Variants in LY75 observed in about 807,000 individuals in gnomAD.
LY75 encodes C-type lectin domain family 13 member B.
In LY75, 185 loss-of-function variants were observed where a neutral mutation model predicts 231.7. That is an observed-to-expected ratio of 0.80 (90% CI 0.71 to 0.90). The LOEUF is 0.90. LY75 is among the 40% of genes least tolerant of loss of function. LY75 has a pLI of 0.00. For missense variants in LY75, 1,947 were observed against 2,050.2 expected (o/e 0.95, Z 0.97); for synonymous variants, 668 against 689.0 (o/e 0.97, Z 0.48).
At position 159,878,311 on chromosome 2, in the gene LY75, T is replaced by C. The variant is rs771144711; in HGVS notation, c.1774+13A>G. ...TCACAGTATACTACTACTTCAAAGA[T>C]TAAGACACTCACCTGGCTCAAGAAA... On this transcript the variant is annotated intron_variant, in intron 11 of 34. Coordinates refer to ENST00000263636, the MANE Select transcript of LY75 (RefSeq NM_002349.4). 1 of 1,612,882 alleles carries C rather than the reference T, an allele frequency of 6.2e-7. No homozygotes were observed. The highest frequency in any genetic ancestry group is 2.2e-5 in the East Asian group (1 of 44,868).
Position 159,868,981 on chromosome 2 carries a change from G to A in LY75, c.2117+3470C>T, listed in dbSNP as rs553501093. ...ATACTATGCAGCCATAAAAAAGGAT[G>A]AGTTCATGTCCTTTGTAGGGACACG... On this transcript the variant is annotated intron_variant, in intron 13 of 34. Transcript: ENST00000263636. Among the ~76,000 whole-genome samples the A allele has an allele frequency of 3.9e-5, 6 of 152,226 alleles. No individual in the cohort carries two copies. The South Asian group carries it at 1.2e-3, about 32-fold the overall frequency.
chr2:159,842,183 CTCTCTA>C, intron 24 of LY75, 56 bp downstream of exon 24: 1 of 1,528,988 alleles, frequency 6.5e-7, no homozygotes, highest in South Asian at 1.2e-5. Context: ...GACTCTCTCT[CTCTCTA>C]TATATATATA....
At chr2:159,845,654 G>C (rs1231627997) in intron 23 of LY75, among the ~76,000 whole-genome samples, 2 of 151,634 alleles carry the variant, frequency 1.3e-5, no homozygotes, top group Non-Finnish European at 2.9e-5. Flanking sequence ...AGCTATTATA[G>C]GTAATCTAGA....
intron 2 of LY75, 72 bp from the exon 3 acceptor site, chr2:159,894,156 A>C (rs1299797572): frequency 2.0e-6 from 3 of 1,502,912 alleles, no homozygotes; most frequent in Non-Finnish European, 2.7e-6. Flanking sequence ...CTAATTTCTA[A>C]AACTGTTTTT....
chr2:159,887,936 T>A (rs192897403), intron 4 of LY75, among the ~76,000 whole-genome samples: 1 of 152,290 alleles, frequency 6.6e-6, no homozygotes, highest in Non-Finnish European at 1.5e-5. Flanking sequence ...GTCAATATTC[T>A]AGGAAACTTG....
intron 3 of LY75, among the ~76,000 whole-genome samples, chr2:159,890,825 A>C (rs1323011093): frequency 1.3e-5 from 2 of 152,282 alleles, no homozygotes; most frequent in East Asian, 3.9e-4. Context: ...AATGGCCAAG[A>C]TATTGAGCCC....
chr2:159,875,706 G>A (rs1023172849), intron 11 of LY75, 63 bp from the exon 12 acceptor site: 2 of 1,579,858 alleles, frequency 1.3e-6, no homozygotes, highest in Non-Finnish European at 8.6e-7. Flanking sequence ...ATTTTCTAGT[G>A]TTTCTACTCT....
chr2:159,840,475 G>C (rs1228221122), intron 25 of LY75, among the ~76,000 whole-genome samples: 1 of 152,014 alleles, frequency 6.6e-6, no homozygotes, highest in African/African-American at 2.4e-5. Flanking sequence ...AAGAGGCTGA[G>C]GTGGGAGGAT....
chr2:159,890,332 C>T lies in LY75; in HGVS notation c.683G>A (p.Ser228Asn). ...DNWEKNEQFG[S>N]CYQFNTQTAL... ...CGTCTGAGTATTAAATTGGTAGCAACTTCCAAACTGCTCGTTCTTTTCCCA... is the reference window on the plus strand; with the variant it reads ...CGTCTGAGTATTAAATTGGTAGCAATTTCCAAACTGCTCGTTCTTTTCCCA... Residue 228 changes from serine (S) to asparagine (N), a missense_variant, in exon 4 of 35, where the codon AGT (serine) becomes AAT (asparagine). Coordinates refer to ENST00000263636, the MANE Select transcript of LY75 (RefSeq NM_002349.4). The T allele has an allele frequency of 6.2e-7, 1 of 1,613,444 alleles. No individual in the cohort carries two copies. Among genetic ancestry groups the T allele is most frequent in the Non-Finnish European group, 8.5e-7 (1 of 1,179,654 alleles).
rs181236409 is a variant in LY75, at chr2:159,856,669, A to G, written c.2383+1693T>C. Among the ~76,000 whole-genome samples, 254 of 152,200 alleles carry G rather than the reference A, an allele frequency of 1.7e-3. 1 individual carries two copies. The highest frequency in any genetic ancestry group is 2.9e-3 in the Non-Finnish European group (197 of 67,992). ...GTGATTGGGACAGGCTGAGAACAGGAGTTTAGTTTTTTATTTTATTTCTGC... is the reference window on the plus strand; with the variant it reads ...GTGATTGGGACAGGCTGAGAACAGGGGTTTAGTTTTTTATTTTATTTCTGC... On this transcript the variant is annotated intron_variant, in intron 16 of 34. Coordinates refer to ENST00000263636, the MANE Select transcript of LY75 (RefSeq NM_002349.4).
intron 14 of LY75, among the ~76,000 whole-genome samples, chr2:159,864,050 T>G (rs1246485028): frequency 6.6e-6 from 1 of 152,222 alleles, no homozygotes; most frequent in Admixed American, 6.5e-5. Context: ...TGTTCTATGA[T>G]GTTTGCACAA....
chr2:159,812,171 A>G (rs963507255), intron 31 of LY75: 2 of 152,006 alleles, frequency 1.3e-5, no homozygotes, highest in Admixed American at 1.3e-4. Flanking sequence ...CTGGCAACAT[A>G]AGGAACTGCC....
At chr2:159,821,825 C>T (rs13029308) in intron 28 of LY75, among the ~76,000 whole-genome samples, 12,764 of 152,242 alleles carry the variant, frequency 0.084, 730 homozygotes, top group South Asian at 0.16. Flanking sequence ...TCTGCATTTC[C>T]AACTGAGGTA....
In LY75 at chr2:159,807,050, A is replaced by G; in HGVS notation, c.4913T>C (p.Leu1638Ser). The G allele has an allele frequency of 6.2e-7, 1 of 1,613,980 alleles. No individual in the cohort carries two copies. Among genetic ancestry groups the G allele is most frequent in the Non-Finnish European group, 8.5e-7 (1 of 1,179,914 alleles). Residue 1638 changes from leucine (L) to serine (S), a missense_variant, in exon 34 of 35, where the codon TTG becomes TCG. Transcript: ENST00000263636. Reference sequence around the variant, plus strand: ...TTTCCAAGTTTCATTTGAAGCTATCAACATGCTACATCTTCCAACACCACT... The same window carrying G: ...TTTCCAAGTTTCATTTGAAGCTATCGACATGCTACATCTTCCAACACCACT... ...SKSGVGRCSM[L>S]IASNETWKKV...
At chr2:159,824,539 G>C (rs1415446186) in intron 28 of LY75, among the ~76,000 whole-genome samples, 1 of 152,148 alleles carries the variant, frequency 6.6e-6, no homozygotes, top group Non-Finnish European at 1.5e-5. Flanking sequence ...ACACCCCACT[G>C]TCAATATTAG....
chr2:159,813,801 C>T (rs1683037157), intron 31 of LY75: 1 of 152,244 alleles, frequency 6.6e-6, no homozygotes, highest in Admixed American at 6.5e-5. Flanking sequence ...ACTCTTCAAC[C>T]TGGTAGAGCA....
chr2:159,850,525 G>C (rs762792673), intron 21 of LY75, 58 bp from the exon 22 acceptor site: 40 of 1,600,206 alleles, frequency 2.5e-5, no homozygotes, highest in Non-Finnish European at 3.3e-5. Context: ...GCTCACATAG[G>C]AAGTAAAATG....
At chr2:159,883,129 G>C (rs1485608505) in intron 6 of LY75, among the ~76,000 whole-genome samples, 2 of 132,662 alleles carry the variant, frequency 1.5e-5, no homozygotes, top group African/African-American at 5.6e-5. Context: ...CTGTTGTGGG[G>C]TGGGGGGAGG....
rs1471939786 is a variant in LY75 at position 159,853,621 on chromosome 2, G to A, written c.2663+9C>T. 2 of 1,613,178 alleles carry A rather than the reference G, an allele frequency of 1.2e-6. No individual in the cohort carries two copies. Among genetic ancestry groups the A allele is most frequent in the East Asian group, 4.5e-5 (2 of 44,786 alleles). On this transcript the variant is annotated intron_variant, in intron 19 of 34. Coordinates refer to ENST00000263636, the MANE Select transcript of LY75 (RefSeq NM_002349.4). ...ACTTTACAAAGGTAGAATCAATGAT[G>A]TCACCTACTATGTAAAATGATCATC... is the stretch of plus-strand genomic sequence containing the variant.
Sources: gnomAD v4.1 joint callset for allele counts (sites outside exome capture counted in the v4.1 genomes callset) on GRCh38, gnomAD v4.1.1 for gene constraint, MANE v1.5 for transcripts, NCBI Gene and HGNC (gene_info 2026-07-23, HGNC 2026-07-21) for gene names.